GRM8: variants seen among roughly 807,000 people sequenced by gnomAD.
GRM8 encodes glutamate metabotropic receptor 8.
A neutral mutation model predicts 87.2 loss-of-function variants in GRM8; 47 were observed. The observed-to-expected ratio is 0.54, with a 90% CI of 0.43 to 0.69. GRM8 has a LOEUF of 0.69. Among genes scored for constraint, GRM8 ranks in the 30% least tolerant of loss-of-function variants. GRM8 has a pLI of 0.00. For missense variants in GRM8, 1,019 were observed against 1,139.2 expected, an observed-to-expected ratio of 0.89 and a Z score of 1.52; for synonymous variants, 396 against 404.5, an observed-to-expected ratio of 0.98 and a Z score of 0.25.
At chr7:127,182,519 A>G (rs1482058068) in intron 2 of GRM8, among the ~76,000 whole-genome samples, 1 of 152,052 alleles carries the variant, frequency 6.6e-6, no homozygotes, top group African/African-American at 2.4e-5. Context: ...AAAGGAAGCC[A>G]TTATTCGAAA....
At chr7:126,932,214 A>C (rs1051406405) in intron 3 of GRM8, among the ~76,000 whole-genome samples, 2 of 152,178 alleles carry the variant, frequency 1.3e-5, no homozygotes, top group African/African-American at 4.8e-5. Context: ...TTTCTTTAGA[A>C]TCTATTAAGT....
intron 9 of GRM8, among the ~76,000 whole-genome samples, chr7:126,487,873 T>A (rs979761337): frequency 6.6e-6 from 1 of 152,046 alleles, no homozygotes; most frequent in Non-Finnish European, 1.5e-5. Context: ...TACTGTCAGT[T>A]TGTTTCTTTG....
intron 9 of GRM8, among the ~76,000 whole-genome samples, chr7:126,464,535 G>A (rs1455658756): frequency 6.6e-6 from 1 of 151,520 alleles, no homozygotes; most frequent in Non-Finnish European, 1.5e-5. Context: ...TGATTGTTTT[G>A]TGGTCTTCTC....
intron 9 of GRM8, among the ~76,000 whole-genome samples, chr7:126,486,687 T>G (rs1807412219): frequency 6.6e-6 from 1 of 152,124 alleles, no homozygotes; most frequent in Non-Finnish European, 1.5e-5. Context: ...TTACCATATT[T>G]GAAATTAAAA....
At chr7:126,782,958 AG>A (rs2151644309) in intron 6 of GRM8, among the ~76,000 whole-genome samples, 1 of 152,258 alleles carries the variant, frequency 6.6e-6, no homozygotes, top group Non-Finnish European at 1.5e-5. Flanking sequence ...CATTCTTCAT[AG>A]GGACAGGGAC....
chr7:127,032,279 C>T (rs1178008975), intron 3 of GRM8, among the ~76,000 whole-genome samples: 1 of 152,178 alleles, frequency 6.6e-6, no homozygotes, highest in African/African-American at 2.4e-5. Context: ...CAACAGCTCT[C>T]ACACTTTCTA....
chr7:126,930,792 C>T (rs1586499790), intron 3 of GRM8, among the ~76,000 whole-genome samples: 1 of 152,098 alleles, frequency 6.6e-6, no homozygotes, highest in Admixed American at 6.6e-5. Flanking sequence ...TCTTGGAGAC[C>T]GCTACTTTTC....
At chr7:126,588,854 G>A (rs1329444555) in intron 8 of GRM8, among the ~76,000 whole-genome samples, 1 of 152,100 alleles carries the variant, frequency 6.6e-6, no homozygotes, top group East Asian at 1.9e-4. Context: ...CCTCACTGGG[G>A]AACTCGAAGG....
intron 2 of GRM8, among the ~76,000 whole-genome samples, chr7:127,200,924 C>A (rs1795552890): frequency 6.6e-6 from 1 of 152,194 alleles, no homozygotes; most frequent in Non-Finnish European, 1.5e-5. Flanking sequence ...AAACTACTCA[C>A]CTTTCCTTTA....
In GRM8 at chr7:126,925,542, T is replaced by TA. The variant is rs548632568; in HGVS notation, c.728-20860dup. ...GTACAAAGACATAAAGAAAAATTTC[T>TA]AAAAAAAATATTGTCCATATTCCTA... is the stretch of plus-strand genomic sequence containing the variant. On this transcript the variant is annotated intron_variant, in intron 3 of 10. Transcript: ENST00000339582. 2.1e-4 allele frequency among the ~76,000 whole-genome samples: 32 copies of TA among 152,018 alleles called. 1 individual carries two copies. Among genetic ancestry groups the TA allele is most frequent in the Non-Finnish European group, 3.4e-4 (23 of 67,966 alleles).
At chr7:126,763,946 A>G (rs1210485403) in intron 7 of GRM8, among the ~76,000 whole-genome samples, 1 of 151,678 alleles carries the variant, frequency 6.6e-6, no homozygotes, top group African/African-American at 2.4e-5. Flanking sequence ...GTTGTCTTCA[A>G]ACAGGTTCAA....
intron 3 of GRM8, among the ~76,000 whole-genome samples, chr7:126,994,586 C>T (rs892878501): frequency 6.6e-6 from 1 of 152,134 alleles, no homozygotes; most frequent in African/African-American, 2.4e-5. Context: ...TTAAGTGAAT[C>T]TTAGTGGTGG....
At chr7:126,555,905 G>C (rs1356100607) in intron 8 of GRM8, among the ~76,000 whole-genome samples, 2 of 152,150 alleles carry the variant, frequency 1.3e-5, no homozygotes, top group Middle Eastern at 3.2e-3. Context: ...ACTGTAAAAG[G>C]ACATATCAAG....
intron 3 of GRM8, among the ~76,000 whole-genome samples, chr7:126,918,548 A>G (rs1444530128): frequency 6.6e-6 from 1 of 152,258 alleles, no homozygotes; most frequent in Non-Finnish European, 1.5e-5. Context: ...CCTAAGAATG[A>G]AGGATTTCAG....
chr7:126,764,178 C>A (rs4320492), intron 7 of GRM8, among the ~76,000 whole-genome samples: 56,012 of 151,586 alleles, frequency 0.37, 11,739 homozygotes, highest in Non-Finnish European at 0.47. Context: ...ATTTTTGTTT[C>A]ATGTTTATCA....
chr7:126,789,618 A>G (rs936696063), intron 6 of GRM8, among the ~76,000 whole-genome samples: 1 of 152,226 alleles, frequency 6.6e-6, no homozygotes, highest in African/African-American at 2.4e-5. Context: ...ACTCAGCAAC[A>G]GGAGAAAGTA....
intron 3 of GRM8, among the ~76,000 whole-genome samples, chr7:127,099,234 T>C (rs1255189634): frequency 1.3e-5 from 2 of 152,132 alleles, no homozygotes; most frequent in Non-Finnish European, 2.9e-5. Context: ...AAGACAGAAA[T>C]AGAGGACTGT....
At chr7:127,189,714 G>A (rs1478103452) in intron 2 of GRM8, among the ~76,000 whole-genome samples, 1 of 152,158 alleles carries the variant, frequency 6.6e-6, no homozygotes, top group East Asian at 1.9e-4. Context: ...CTGCATCTCT[G>A]TCTGGTTCAT....
At chr7:126,447,272 A>T (rs1469246457) in intron 9 of GRM8, 2 of 151,880 alleles carry the variant, frequency 1.3e-5, no homozygotes, top group Non-Finnish European at 2.9e-5. Context: ...GCAGTATTTC[A>T]TTCTTTAAAA....
Sources: gnomAD v4.1 joint callset for allele counts (sites outside exome capture counted in the v4.1 genomes callset) on GRCh38, gnomAD v4.1.1 for gene constraint, MANE v1.5 for transcripts, NCBI Gene and HGNC (gene_info 2026-07-23, HGNC 2026-07-21) for gene names.